REPS2: variants seen among roughly 807,000 people sequenced by gnomAD.
REPS2 encodes ralBP1-associated Eps domain-containing protein 2.
In REPS2, 23 loss-of-function variants were observed where a neutral mutation model predicts 53.6. The ratio of observed to expected loss-of-function variants is 0.43; its 90% CI spans 0.31 to 0.61. The LOEUF is 0.61. REPS2 is among the 20% of genes least tolerant of loss of function. The probability of loss-of-function intolerance (pLI) is 0.11; values close to 1 mark genes in which losing one functional copy is unlikely to be tolerated. For synonymous variants in REPS2, 238 were observed against 218.6 expected (o/e 1.09, Z -0.78); for missense variants, 446 against 534.9 (o/e 0.83, Z 1.64).
intron 1 of REPS2, among the ~76,000 whole-genome samples, chrX:16,967,587 C>G (rs1461439775): frequency 9.1e-6 from 1 of 110,479 alleles, no homozygotes. Context: ...TTGCTTGAGC[C>G]TGGGAGGTCA....
chrX:16,947,568 G>A (rs1426074858), intron 1 of REPS2, among the ~76,000 whole-genome samples: 1 of 112,011 alleles, frequency 8.9e-6, no homozygotes, highest in Non-Finnish European at 1.9e-5. Flanking sequence ...TGAAGGGTGT[G>A]TGTGTCCGTA....
rs752672233 is a variant in REPS2 at position 16,972,233 on chromosome X, G to T, written c.273+25099G>T. Among the ~76,000 whole-genome samples, 88 of 112,180 alleles carry T rather than the reference G, an allele frequency of 7.8e-4. 1 individual carries two copies. Among genetic ancestry groups the T allele is most frequent in the Non-Finnish European group, 1.1e-3 (61 of 53,246 alleles). ...TGCTGTATCACCAAATGCTGTTGAT[G>T]GCATAGAAGACAACACTGTGGAAAA... On this transcript the variant is annotated intron_variant, in intron 1 of 17. Transcript: ENST00000357277.
intron 1 of REPS2, among the ~76,000 whole-genome samples, chrX:16,996,138 G>T (rs747306627): frequency 1.8e-5 from 2 of 111,382 alleles, no homozygotes; most frequent in Non-Finnish European, 3.8e-5. Flanking sequence ...TGAGGTGCAG[G>T]ACAAAGACAG....
At chrX:17,128,329 A>G (rs2148129573) in intron 14 of REPS2, among the ~76,000 whole-genome samples, 1 of 109,904 alleles carries the variant, frequency 9.1e-6, no homozygotes, top group South Asian at 4.1e-4. Context: ...TAATTGCATA[A>G]TAGAGTTAAC....
At chrX:16,992,521 G>A (rs1452520827) in intron 1 of REPS2, among the ~76,000 whole-genome samples, 16 of 111,733 alleles carry the variant, frequency 1.4e-4, no homozygotes, top group Admixed American at 1.4e-3. Context: ...AAAAGATCTC[G>A]CTGTATGAAA....
intron 1 of REPS2, among the ~76,000 whole-genome samples, chrX:16,953,146 A>AC (rs2060543865): frequency 2.2e-5 from 2 of 91,402 alleles, no homozygotes; most frequent in Non-Finnish European, 4.4e-5. Flanking sequence ...CACACACACA[A>AC]ACACACAAAC....
At chrX:17,136,794 A>G (rs1425920266) in intron 16 of REPS2, 2 of 110,901 alleles carry the variant, frequency 1.8e-5, no homozygotes, top group African/African-American at 6.6e-5. Flanking sequence ...ATCACTCCCC[A>G]TTCTCTCCTT....
At chrX:17,007,781 T>C (rs950472066) in intron 2 of REPS2, among the ~76,000 whole-genome samples, 1 of 112,094 alleles carries the variant, frequency 8.9e-6, no homozygotes, top group Non-Finnish European at 1.9e-5. Context: ...GGCTGCACAC[T>C]GCAAGTCTCT....
intron 5 of REPS2, among the ~76,000 whole-genome samples, chrX:17,045,753 G>A (rs997273891): frequency 9.1e-6 from 1 of 110,183 alleles, no homozygotes; most frequent in Non-Finnish European, 1.9e-5. Context: ...CCATTCTACA[G>A]TTAGTATTTC....
intron 2 of REPS2, among the ~76,000 whole-genome samples, chrX:17,011,057 CTG>C (rs60541913): frequency 2.1e-3 from 212 of 102,499 alleles, no homozygotes; most frequent in Non-Finnish European, 2.2e-3. Flanking sequence ...TTTGCTTAAA[CTG>C]TGTGTGTGTG....
intron 14 of REPS2, among the ~76,000 whole-genome samples, chrX:17,126,298 AG>A (rs2063210126): frequency 9.0e-6 from 1 of 111,090 alleles, no homozygotes; most frequent in Non-Finnish European, 1.9e-5. Context: ...GGAGTGCAAC[AG>A]GGGCCCCTGG....
In REPS2 at chrX:17,029,493, A is replaced by G. The variant is rs746934127; in HGVS notation, c.674-33A>G. 3 of 996,919 alleles carry G rather than the reference A, an allele frequency of 3.0e-6. No individual in the cohort carries two copies. The South Asian group carries it at 5.9e-5, about 19-fold the overall frequency. 82.2% of individuals were successfully genotyped at this position (996,919 alleles called of 1,213,427 possible). ...CATAATTTTTGAATGGAATCTTTGC[A>G]TACCATACTGACTTTCCTTTCTGCT... On this transcript the variant is annotated intron_variant, in intron 4 of 17. Transcript: ENST00000357277.
chrX:17,078,130 T>C (rs1378812814), intron 13 of REPS2, among the ~76,000 whole-genome samples: 1 of 112,328 alleles, frequency 8.9e-6, no homozygotes, highest in Non-Finnish European at 1.9e-5. Flanking sequence ...GTGAAGGTGA[T>C]AGGATACGGT....
At chrX:17,009,216 T>C (rs1233404978) in intron 2 of REPS2, among the ~76,000 whole-genome samples, 2 of 112,025 alleles carry the variant, frequency 1.8e-5, no homozygotes, top group East Asian at 5.6e-4. Context: ...TGGAGTGCAG[T>C]GGCACGATCA....
In REPS2 at chrX:17,011,057, CTGTGTG is replaced by C. The variant is rs60541913; in HGVS notation, c.397+4751_397+4756del. Among the ~76,000 whole-genome samples the C allele has an allele frequency of 3.0e-3, 304 of 102,528 alleles. 1 individual carries two copies. Among genetic ancestry groups the C allele is most frequent in the African/African-American group, 0.01 (285 of 27,695 alleles). 89.0% of individuals were successfully genotyped at this position (102,528 alleles called of 115,157 possible). A position where few individuals can be genotyped will look rare whatever the true frequency, so the allele number is the denominator to read the frequency against. On this transcript the variant is annotated intron_variant, in intron 2 of 17. Transcript: ENST00000357277. ...AGCATTTTTAAGAGCTTTGCTTAAA[CTGTGTG>C]TGTGTGTGTGTGTGTGTGTGTGTGT...
chrX:17,102,948 G>A (rs1296813274), intron 13 of REPS2, among the ~76,000 whole-genome samples: 1 of 112,156 alleles, frequency 8.9e-6, no homozygotes, highest in African/African-American at 3.2e-5. Context: ...TATTTCTTGT[G>A]TGTTATTATG....
intron 5 of REPS2, among the ~76,000 whole-genome samples, chrX:17,040,966 G>T: frequency 8.9e-6 from 1 of 111,788 alleles, no homozygotes; most frequent in Non-Finnish European, 1.9e-5. Context: ...TTGCTTGAAG[G>T]ATACATTCAT....
chrX:17,133,951 C>T (rs1312298951), intron 15 of REPS2, 44 bp downstream of exon 15: 1 of 980,528 alleles, frequency 1.0e-6, no homozygotes, highest in Non-Finnish European at 1.5e-6. Flanking sequence ...TTGCGAGTCC[C>T]ACCCCGGGCT....
chrX:17,018,606 T>C (rs1163643328), intron 2 of REPS2, among the ~76,000 whole-genome samples: 14 of 106,570 alleles, frequency 1.3e-4, no homozygotes, highest in Non-Finnish European at 2.1e-4. Flanking sequence ...TTCTTTCTTT[T>C]TTTTTTTTTT....
Sources: gnomAD v4.1 joint callset for allele counts (sites outside exome capture counted in the v4.1 genomes callset) on GRCh38, gnomAD v4.1.1 for gene constraint, MANE v1.5 for transcripts, NCBI Gene and HGNC (gene_info 2026-07-23, HGNC 2026-07-21) for gene names.